The following LARP1B variants were observed in gnomAD, a reference collection of about 807,000 sequenced individuals.
The protein encoded by LARP1B is La ribonucleoprotein 1B.
In LARP1B, 76 loss-of-function variants were observed where a neutral mutation model predicts 114.2. The ratio of observed to expected loss-of-function variants is 0.67; its 90% CI spans 0.55 to 0.81. The LOEUF is 0.81. Ranked by LOEUF, LARP1B falls within the 30% of genes least tolerant of loss-of-function variation. The probability of loss-of-function intolerance (pLI) is 0.00; values close to 1 mark genes in which losing one functional copy is unlikely to be tolerated. For missense variants in LARP1B, 1,014 were observed against 1,075.8 expected (o/e 0.94, Z 0.80); for synonymous variants, 345 against 348.0 (o/e 0.99, Z 0.10).
intron 8 of LARP1B, among the ~76,000 whole-genome samples, chr4:128,102,948 T>C (rs1277807190): frequency 6.6e-6 from 1 of 152,220 alleles, no homozygotes; most frequent in Non-Finnish European, 1.5e-5. Context: ...TCTTTTCTTT[T>C]TATCTCCAGG....
chr4:128,061,496 G>T (rs1010492673), intron 1 of LARP1B, 95 bp downstream of exon 1: 19 of 194,012 alleles, frequency 9.8e-5, no homozygotes, highest in Non-Finnish European at 1.3e-4. Flanking sequence ...GGCGGTTGGC[G>T]CTCCGTTCGG....
Position 128,155,651 on chromosome 4 carries a change from C to T in LARP1B, c.1525-6543C>T, listed in dbSNP as rs868126622. 9 of 1,534,586 alleles carry T rather than the reference C, an allele frequency of 5.9e-6. No homozygotes were observed. In the Middle Eastern group the frequency reaches 1.5e-3, roughly 261 times the overall value. ...CCAGGAGCCATCCGGGCCCTGGGGCCGCCTCCAGTGGTGTGTCCAAGGCCT... is the reference window on the plus strand; with the variant it reads ...CCAGGAGCCATCCGGGCCCTGGGGCTGCCTCCAGTGGTGTGTCCAAGGCCT... On this transcript the variant is annotated intron_variant, in intron 11 of 19. Coordinates refer to ENST00000326639, the MANE Select transcript of LARP1B (RefSeq NM_018078.4).
chr4:128,214,628 C>G (rs1001061182), downstream of LARP1B, among the ~76,000 whole-genome samples: 1 of 130,958 alleles, frequency 7.6e-6, no homozygotes, highest in Non-Finnish European at 1.6e-5. Context: ...ACATCTACAC[C>G]GAAAACCCAT....
intron 5 of LARP1B, among the ~76,000 whole-genome samples, chr4:128,089,607 A>C (rs1184190596): frequency 6.6e-6 from 1 of 152,038 alleles, no homozygotes; most frequent in African/African-American, 2.4e-5. Context: ...AAGTGCTGGG[A>C]TTACAGGTGT....
chr4:128,074,774 C>G (rs904997476), intron 2 of LARP1B, among the ~76,000 whole-genome samples, 160 bp from the exon 3 acceptor site: 1 of 152,124 alleles, frequency 6.6e-6, no homozygotes, highest in African/African-American at 2.4e-5. Flanking sequence ...TCAAAATGTT[C>G]TATTGTTTGC....
At chr4:128,112,558 C>T (rs1784483968) in intron 9 of LARP1B, among the ~76,000 whole-genome samples, 1 of 142,470 alleles carries the variant, frequency 7.0e-6, no homozygotes, top group African/African-American at 2.6e-5. Flanking sequence ...ACTGCAACCT[C>T]TGCCTCCTTG....
chr4:128,214,038 T>C (rs1325049041), downstream of LARP1B, among the ~76,000 whole-genome samples: 1 of 149,634 alleles, frequency 6.7e-6, no homozygotes, highest in East Asian at 2.0e-4. Context: ...AAGAAAGGGG[T>C]GACGGACGCA....
At chr4:128,131,606 T>A (rs1396602802) in intron 11 of LARP1B, among the ~76,000 whole-genome samples, 1 of 152,134 alleles carries the variant, frequency 6.6e-6, no homozygotes, top group East Asian at 1.9e-4. Flanking sequence ...TATTCCCAGC[T>A]ACTCCAGAGG....
intron 10 of LARP1B, among the ~76,000 whole-genome samples, chr4:128,116,207 A>G (rs10025241): frequency 0.048 from 7,274 of 152,246 alleles, 540 homozygotes; most frequent in African/African-American, 0.16. Context: ...ACGAACTTAC[A>G]TATGTGATAG....
In LARP1B at chr4:128,155,980, C is replaced by T; in HGVS notation, c.1525-6214C>T. 1.9e-6 allele frequency: 3 copies of T among 1,543,300 alleles called. No individual in the cohort carries two copies. In the South Asian group the frequency reaches 3.6e-5, roughly 18 times the overall value. ...CAGCAGCCCGCCAGCCCCCTGCCGC[C>T]CTGTACCTTGTATCTCCCTTTCCCC... On this transcript the variant is annotated intron_variant, in intron 11 of 19. Coordinates refer to ENST00000326639, the MANE Select transcript of LARP1B (RefSeq NM_018078.4).
intron 14 of LARP1B, 184 bp from the exon 15 acceptor site, chr4:128,179,221 AC>A: frequency 4.7e-6 from 2 of 423,018 alleles, no homozygotes; most frequent in Non-Finnish European, 8.3e-6. Flanking sequence ...CTACCAAAGG[AC>A]TTTATTTATT....
chr4:128,106,112 C>G (rs905048728), intron 8 of LARP1B, among the ~76,000 whole-genome samples: 8 of 151,716 alleles, frequency 5.3e-5, no homozygotes, highest in African/African-American at 1.7e-4. Context: ...CAACCTCCAG[C>G]TCCCTGGTTC....
intron 11 of LARP1B, among the ~76,000 whole-genome samples, chr4:128,149,562 T>C (rs1485851868): frequency 6.6e-6 from 1 of 152,228 alleles, no homozygotes; most frequent in African/African-American, 2.4e-5. Context: ...TTAAAGAATC[T>C]GTTCATAATA....
chr4:128,193,783 AT>A (rs539585994), intron 15 of LARP1B, among the ~76,000 whole-genome samples: 1 of 151,376 alleles, frequency 6.6e-6, no homozygotes, highest in Non-Finnish European at 1.5e-5. Context: ...CGCCCAGCTA[AT>A]TTTTTGTATT....
intron 1 of LARP1B, among the ~76,000 whole-genome samples, chr4:128,073,552 T>TCTC (rs1291776885): frequency 2.8e-5 from 4 of 145,106 alleles, no homozygotes; most frequent in African/African-American, 7.5e-5. Flanking sequence ...TTTGTAATTT[T>TCTC]CTCCTGTTAT....
intron 11 of LARP1B, among the ~76,000 whole-genome samples, chr4:128,143,796 G>GGTGTGTGTGT (rs72408437): frequency 4.5e-4 from 67 of 147,934 alleles, no homozygotes; most frequent in African/African-American, 1.1e-3. Flanking sequence ...TAAGGCACAG[G>GGTGTGTGTGT]GTGTGTGTGT....
intron 17 of LARP1B, among the ~76,000 whole-genome samples, chr4:128,202,903 TA>T (rs1193533333): frequency 6.6e-6 from 1 of 152,108 alleles, no homozygotes; most frequent in South Asian, 2.1e-4. Context: ...AGGTTCTTTA[TA>T]AAAAGTAGGT....
Position 128,211,421 on chromosome 4 carries a change from TA to T in LARP1B, c.*1370del. 1 of 920,704 alleles carries T rather than the reference TA, an allele frequency of 1.1e-6. No homozygotes were observed. The highest frequency in any genetic ancestry group is 1.3e-6 in the Non-Finnish European group (1 of 771,090). The allele number at this position is 920,704 out of a possible 1,614,324, so 57.0% of individuals were successfully genotyped here. The stretch of plus-strand genomic sequence containing the variant: ...TATAATCTTTGGATGGATGGGCTGT[TA>T]ATTTGTAAATAGGTTTTCATTAAGT... On this transcript the variant is annotated 3_prime_UTR_variant, in exon 20 of 20. Transcript: ENST00000326639.
At chr4:128,091,685 C>T (rs925893588) in intron 7 of LARP1B, among the ~76,000 whole-genome samples, 173 bp downstream of exon 7, 1 of 151,952 alleles carries the variant, frequency 6.6e-6, no homozygotes, top group Non-Finnish European at 1.5e-5. Context: ...CAACCTCTGC[C>T]TCCTGGGTTC....
Sources: gnomAD v4.1 joint callset for allele counts (sites outside exome capture counted in the v4.1 genomes callset) on GRCh38, gnomAD v4.1.1 for gene constraint, MANE v1.5 for transcripts, NCBI Gene and HGNC (gene_info 2026-07-23, HGNC 2026-07-21) for gene names.